The following ASIC2 variants were observed in gnomAD, a reference collection of about 807,000 sequenced individuals.
ASIC2 encodes acid-sensing ion channel 2.
In ASIC2, 25 loss-of-function variants were observed where a neutral mutation model predicts 57.3. The ratio of observed to expected loss-of-function variants is 0.44; its 90% CI spans 0.32 to 0.61. ASIC2 has a LOEUF of 0.61. Among genes scored for constraint, ASIC2 ranks in the 20% least tolerant of loss-of-function variants. The pLI, the probability that ASIC2 is intolerant of heterozygous loss-of-function variation, is 0.06. For missense variants in ASIC2, 641 were observed against 738.1 expected (o/e 0.87, Z 1.52); for synonymous variants, 319 against 307.5 (o/e 1.04, Z -0.39).
intron 1 of ASIC2, among the ~76,000 whole-genome samples, chr17:33,846,861 C>T (rs1037854111): frequency 2.6e-5 from 4 of 152,036 alleles, no homozygotes; most frequent in Non-Finnish European, 5.9e-5. Context: ...ACAGTGATAA[C>T]GTTTTAAGTC....
chr17:34,002,396 G>A (rs1015848647), intron 1 of ASIC2: 1 of 152,204 alleles, frequency 6.6e-6, no homozygotes, highest in Admixed American at 6.5e-5. Context: ...TGTAGCATCA[G>A]TTGGATCCAG....
intron 1 of ASIC2, among the ~76,000 whole-genome samples, chr17:33,688,225 C>T (rs73280956): frequency 0.015 from 2,267 of 152,144 alleles, 54 homozygotes; most frequent in African/African-American, 0.052. Context: ...CTGGAGACTT[C>T]GTGTTGGTTT....
intron 1 of ASIC2, among the ~76,000 whole-genome samples, chr17:33,765,323 T>C (rs1269895281): frequency 6.6e-6 from 1 of 152,124 alleles, no homozygotes; most frequent in African/African-American, 2.4e-5. Flanking sequence ...TTAGCCAGGA[T>C]GGTCTCGACC....
At chr17:33,901,839 G>T (rs529614172) in intron 1 of ASIC2, among the ~76,000 whole-genome samples, 1 of 152,168 alleles carries the variant, frequency 6.6e-6, no homozygotes, top group Admixed American at 6.5e-5. Context: ...ATTCCAATCA[G>T]TAGTATAATG....
intron 1 of ASIC2, among the ~76,000 whole-genome samples, chr17:33,663,252 C>A (rs143945929): frequency 6.6e-6 from 1 of 152,170 alleles, no homozygotes; most frequent in Non-Finnish European, 1.5e-5. Context: ...GAGTCAAATC[C>A]GGGTTTGTCT....
rs558821341 is a variant in ASIC2 at position 33,871,099 on chromosome 17, T to G, written c.555+284879A>C. ...CAAGCACAGAGTGACTGTCCCCTCC[T>G]CCTCTCCCTTCCTCCTGCATGGGCA... On this transcript the variant is annotated intron_variant, in intron 1 of 9. Coordinates refer to the ASIC2 transcript ENST00000359872. Among the ~76,000 whole-genome samples, 3 of 152,272 alleles carry G rather than the reference T, an allele frequency of 2.0e-5. No homozygotes were observed. The South Asian group carries it at 6.2e-4, about 32-fold the overall frequency.
At chr17:33,801,172 T>G (rs76449931) in intron 1 of ASIC2, among the ~76,000 whole-genome samples, 147 of 152,084 alleles carry the variant, frequency 9.7e-4, no homozygotes, top group Admixed American at 1.6e-3. Flanking sequence ...ACACCTCTGG[T>G]GAAGAAAGGA....
chr17:33,481,239 T>C (rs531863313), intron 1 of ASIC2, among the ~76,000 whole-genome samples: 14 of 152,312 alleles, frequency 9.2e-5, no homozygotes, highest in African/African-American at 2.4e-4. Context: ...CTGTTTGAGG[T>C]TACCCTGGCC....
intron 1 of ASIC2, among the ~76,000 whole-genome samples, chr17:33,128,418 G>A (rs956761542): frequency 6.6e-6 from 1 of 152,200 alleles, no homozygotes; most frequent in African/African-American, 2.4e-5. Context: ...TCTTGCTTTT[G>A]CTCACTTCCT....
intron 1 of ASIC2, among the ~76,000 whole-genome samples, chr17:33,699,885 T>C (rs762031325): frequency 6.6e-6 from 1 of 152,200 alleles, no homozygotes; most frequent in Non-Finnish European, 1.5e-5. Context: ...GAGGAGTACA[T>C]ATAAACTGAC....
intron 3 of ASIC2, among the ~76,000 whole-genome samples, chr17:33,063,257 C>T (rs555831225): frequency 6.6e-5 from 10 of 152,180 alleles, no homozygotes; most frequent in African/African-American, 1.7e-4. Flanking sequence ...TTCCTAGCAT[C>T]GATGGTCTTT....
At chr17:33,312,213 ACCTGGTGTATAGTG>A (rs1227690462) in intron 1 of ASIC2, among the ~76,000 whole-genome samples, 8 of 152,134 alleles carry the variant, frequency 5.3e-5, no homozygotes, top group Non-Finnish European at 8.8e-5. Context: ...AACCTGTTAA[ACCTGGTGTATAGTG>A]CCTGGTGTAT....
At chr17:33,942,897 C>T (rs887075044) in intron 1 of ASIC2, among the ~76,000 whole-genome samples, 1 of 152,200 alleles carries the variant, frequency 6.6e-6, no homozygotes, top group Non-Finnish European at 1.5e-5. Context: ...GACCTATGCT[C>T]TCCACAGTAA....
At chr17:33,310,782 G>C (rs1221382075) in intron 1 of ASIC2, among the ~76,000 whole-genome samples, 2 of 152,114 alleles carry the variant, frequency 1.3e-5, no homozygotes, top group Admixed American at 1.3e-4. Flanking sequence ...GATTACTTGG[G>C]GGCCAGGAGG....
At chr17:33,502,189 G>A (rs1914120536) in intron 1 of ASIC2, among the ~76,000 whole-genome samples, 2 of 152,194 alleles carry the variant, frequency 1.3e-5, no homozygotes, top group Admixed American at 6.5e-5. Flanking sequence ...TATGTGGACA[G>A]TGATTCTCTA....
At chr17:33,254,335 C>A (rs1317294220) in intron 1 of ASIC2, among the ~76,000 whole-genome samples, 5 of 152,248 alleles carry the variant, frequency 3.3e-5, no homozygotes, top group African/African-American at 1.2e-4. Context: ...ATGTGATCAT[C>A]TTAAAATGTA....
chr17:33,225,815 G>A (rs945978593), intron 1 of ASIC2, among the ~76,000 whole-genome samples: 3 of 152,188 alleles, frequency 2.0e-5, no homozygotes, highest in African/African-American at 7.2e-5. Context: ...AGGAGATATT[G>A]GAATTTGTGT....
intron 1 of ASIC2, among the ~76,000 whole-genome samples, chr17:33,942,158 G>T (rs751481403): frequency 1.9e-4 from 29 of 152,254 alleles, no homozygotes; most frequent in Middle Eastern, 3.4e-3. Context: ...GGCAGAAAAG[G>T]TACCAAAGTT....
chr17:33,432,805 C>T (rs1303983767), intron 1 of ASIC2, among the ~76,000 whole-genome samples: 1 of 152,096 alleles, frequency 6.6e-6, no homozygotes, highest in Non-Finnish European at 1.5e-5. Flanking sequence ...TGAAAAAAAG[C>T]TCAACATCTC....
Sources: gnomAD v4.1 joint callset for allele counts (sites outside exome capture counted in the v4.1 genomes callset) on GRCh38, gnomAD v4.1.1 for gene constraint, MANE v1.5 for transcripts, NCBI Gene and HGNC (gene_info 2026-07-23, HGNC 2026-07-21) for gene names.